CYBC1: variants seen among roughly 807,000 people sequenced by gnomAD.
The protein encoded by CYBC1 is cytochrome b-245 chaperone 1.
In CYBC1, 22 loss-of-function variants were observed where a neutral mutation model predicts 21.7. That is an observed-to-expected ratio of 1.02 (90% CI 0.73 to 1.45). The LOEUF (loss-of-function observed/expected upper bound fraction) is 1.45, where lower values mean the gene tolerates loss of function less well. CYBC1 is among the 40% of genes most tolerant of loss of function. The pLI, the probability that CYBC1 is intolerant of heterozygous loss-of-function variation, is 0.00. For missense variants in CYBC1, 237 were observed against 242.1 expected, an observed-to-expected ratio of 0.98 and a Z score of 0.14; for synonymous variants, 112 against 98.7, an observed-to-expected ratio of 1.13 and a Z score of -0.80.
intron 4 of CYBC1, among the ~76,000 whole-genome samples, chr17:82,446,192 C>T (rs917983225): frequency 6.6e-6 from 1 of 152,228 alleles, no homozygotes; most frequent in Non-Finnish European, 1.5e-5. Context: ...GCAGCAGGCG[C>T]TTGCTCCACC....
At position 82,443,347 on chromosome 17, in the gene CYBC1, G is replaced by C. The variant is rs182914984; in HGVS notation, c.*657C>G. 127 of 439,018 alleles carry C rather than the reference G, an allele frequency of 2.9e-4. 2 individuals carry two copies. The highest frequency in any genetic ancestry group is 2.3e-3 in the African/African-American group (116 of 50,048). 27.2% of individuals were successfully genotyped at this position (439,018 alleles called of 1,614,324 possible). ...ACCGCTGGGGCAGAGTGGTCTATGC[G>C]CCGAGATCCTGGCATCAGCAAGGGA... On this transcript the variant is annotated 3_prime_UTR_variant, in exon 7 of 7. Coordinates refer to ENST00000306645, the MANE Select transcript of CYBC1 (RefSeq NM_001033046.4). The surrounding 1 kb of genome is among the most constrained non-coding windows in gnomAD (Gnocchi z 6.7).
At position 82,443,488 on chromosome 17, in the gene CYBC1, T is replaced by C; in HGVS notation, c.*516A>G. On this transcript the variant is annotated 3_prime_UTR_variant, in exon 7 of 7. Transcript: ENST00000306645. The surrounding 1 kb of genome is among the most constrained non-coding windows in gnomAD (Gnocchi z 6.7). ...GGGAAGCACCTGACCGCTGGGGATG[T>C]CCACCAGGGAGAGGACGCTGTGTCG... The C allele has an allele frequency of 2.9e-6, 2 of 691,580 alleles. No homozygotes were observed. The highest frequency in any genetic ancestry group is 2.6e-6 in the Non-Finnish European group (1 of 378,112). 42.8% of individuals were successfully genotyped at this position (691,580 alleles called of 1,614,324 possible).
In CYBC1 at chr17:82,444,006, A is replaced by C. The variant is rs1253571139; in HGVS notation, c.562T>G (p.Ter188GlyextTer6). 6.2e-7 allele frequency: 1 copy of C among 1,612,302 alleles called. No homozygotes were observed. The highest frequency in any genetic ancestry group is 8.5e-7 in the Non-Finnish European group (1 of 1,179,910). Reference sequence around the variant, plus strand: ...CGGGCTCAGGCACAGTGGGGCTGTCAGCTCTGGCTTGCAGGGTCACCGGCC... The same window carrying C: ...CGGGCTCAGGCACAGTGGGGCTGTCCGCTCTGGCTTGCAGGGTCACCGGCC... ...SEAGDPASQS[*>G] is the part of the protein sequence containing the mutation. The change falls in exon 7 of 7, where the codon TGA becomes GGA. Residue 188 changes from the stop codon to glycine (G), a stop_lost. Transcript: ENST00000306645.
At chr17:82,444,808 C>T (rs1273998404) in intron 5 of CYBC1, 4 of 574,500 alleles carry the variant, frequency 7.0e-6, no homozygotes, top group Non-Finnish European at 9.1e-6. Context: ...GCGGTGCAGG[C>T]TGGCGGGTCA....
Position 82,447,638 on chromosome 17 carries a change from ACTGC to A in CYBC1, c.86-21_86-18del, listed in dbSNP as rs1452430894. 6 of 1,585,908 alleles carry A rather than the reference ACTGC, an allele frequency of 3.8e-6. No homozygotes were observed. Among genetic ancestry groups the A allele is most frequent in the Non-Finnish European group, 5.1e-6 (6 of 1,168,146 alleles). The stretch of plus-strand genomic sequence containing the variant: ...ACAAGATTCCTATGAAGAGAAAGTG[ACTGC>A]CTGCCTATTGATCCCGGTAAGACCC... On this transcript the variant is annotated intron_variant, in intron 2 of 6. Coordinates refer to ENST00000306645, the MANE Select transcript of CYBC1 (RefSeq NM_001033046.4).
intron 2 of CYBC1, 40 bp downstream of exon 2, chr17:82,449,129 TC>T: frequency 6.9e-7 from 1 of 1,440,428 alleles, no homozygotes; most frequent in Non-Finnish European, 9.3e-7. Flanking sequence ...AAGTCAGGCT[TC>T]CGGTTCTGGG....
Position 82,443,442 on chromosome 17 carries a change from G to A in CYBC1, c.*562C>T, listed in dbSNP as rs1254485493. 3.1e-6 allele frequency: 2 copies of A among 636,356 alleles called. No homozygotes were observed. Among genetic ancestry groups the A allele is most frequent in the Non-Finnish European group, 5.8e-6 (2 of 343,864 alleles). The allele number at this position is 636,356 out of a possible 1,614,324, so 39.4% of individuals were successfully genotyped here. On this transcript the variant is annotated 3_prime_UTR_variant, in exon 7 of 7. Transcript: ENST00000306645. This position sits in a 1 kb window ranked among gnomAD's most constrained non-coding sequence, Gnocchi z 6.7. Reference sequence around the variant, plus strand: ...GTGCACAGCCAGGTAGGCCCTGGATGTTCACCCCTCACTGCCCTTGGGGAA... The same window carrying A: ...GTGCACAGCCAGGTAGGCCCTGGATATTCACCCCTCACTGCCCTTGGGGAA...
Position 82,449,167 on chromosome 17 carries a change from T to C in CYBC1, c.85+3A>G. ...TTCTGGGGAGGGACGTGGAGAGCCT[T>C]ACCAACCAGCAGGGACCAGGACCGG... On this transcript the variant is annotated splice_donor_region_variant and intron_variant, in intron 2 of 6. Coordinates refer to ENST00000306645, the MANE Select transcript of CYBC1 (RefSeq NM_001033046.4). The C allele has an allele frequency of 6.4e-7, 1 of 1,566,350 alleles. No individual in the cohort carries two copies. The highest frequency in any genetic ancestry group is 1.2e-5 in the South Asian group (1 of 84,620).
chr17:82,444,209 A>G (rs898418560), intron 6 of CYBC1, 85 bp from the exon 7 acceptor site: 23 of 1,546,344 alleles, frequency 1.5e-5, no homozygotes, highest in Non-Finnish European at 2.0e-5. Flanking sequence ...CTCCTCGACC[A>G]CCTACCTCCC....
intron 3 of CYBC1, chr17:82,447,324 G>T (rs2054361169): frequency 7.5e-6 from 4 of 531,582 alleles, no homozygotes; most frequent in Non-Finnish European, 1.4e-5. Flanking sequence ...CTGCACTCCA[G>T]CCTGGGTGAC....
Position 82,445,870 on chromosome 17 carries a change from C to G in CYBC1, c.292G>C (p.Asp98His), listed in dbSNP as rs778192946. ...CACGCTCCCCACGACTCACCCTGGT[C>G]GTGGCCAGCTCTGAAAAGAGTCAGC... ...KLLTLFRAGH[D>H]QVVVLLHDVR... The change falls in exon 5 of 7, where the codon GAC (aspartate) becomes CAC (histidine). Residue 98 changes from aspartate (D) to histidine (H), a missense_variant. Physicochemically the swap from Asp to His is moderately conservative, Grantham distance 81 (BLOSUM62 -1). Transcript: ENST00000306645. 6.2e-7 allele frequency: 1 copy of G among 1,610,136 alleles called. No homozygotes were observed. The highest frequency in any genetic ancestry group is 1.1e-5 in the South Asian group (1 of 90,314).
intron 3 of CYBC1, 118 bp downstream of exon 3, chr17:82,447,462 G>A (rs1049706208): frequency 4.7e-6 from 4 of 844,702 alleles, no homozygotes; most frequent in Non-Finnish European, 7.8e-6. Context: ...TCAAGGGGCA[G>A]AGGTGCCGAT....
intron 5 of CYBC1, 86 bp downstream of exon 5, chr17:82,445,778 C>T: frequency 2.0e-6 from 2 of 988,614 alleles, no homozygotes; most frequent in South Asian, 3.2e-5. Context: ...TTCCAGGCCC[C>T]CCTCTAGGCC....
chr17:82,449,407 C>A (rs1218121080), intron 1 of CYBC1, 115 bp from the exon 2 acceptor site: 6 of 511,472 alleles, frequency 1.2e-5, no homozygotes, highest in Non-Finnish European at 2.0e-5. Flanking sequence ...ACCTGCAGCC[C>A]CAGACACCAT....
At position 82,443,900 on chromosome 17, in the gene CYBC1, C is replaced by G; in HGVS notation, c.*104G>C. On this transcript the variant is annotated 3_prime_UTR_variant, in exon 7 of 7. Coordinates refer to ENST00000306645, the MANE Select transcript of CYBC1 (RefSeq NM_001033046.4). This position sits in a 1 kb window ranked among gnomAD's most constrained non-coding sequence, Gnocchi z 6.7. Reference sequence around the variant, plus strand: ...GGGCGGTGCACGGGCTCAGGCACACCGGGAATGTGCCACGGGTCCTGTGGG... The same window carrying G: ...GGGCGGTGCACGGGCTCAGGCACACGGGGAATGTGCCACGGGTCCTGTGGG... 2 of 781,830 alleles carry G rather than the reference C, an allele frequency of 2.6e-6. No homozygotes were observed. Among genetic ancestry groups the G allele is most frequent in the East Asian group, 2.5e-5 (1 of 40,520 alleles). The allele number at this position is 781,830 out of a possible 1,614,324, so 48.4% of individuals were successfully genotyped here. A position where few individuals can be genotyped will look rare whatever the true frequency, so the allele number is the denominator to read the frequency against.
chr17:82,444,142 C>CG lies in CYBC1; in HGVS notation c.444-19dup. 1 of 1,605,104 alleles carries CG rather than the reference C, an allele frequency of 6.2e-7. No individual in the cohort carries two copies. The highest frequency in any genetic ancestry group is 8.5e-7 in the Non-Finnish European group (1 of 1,174,170). On this transcript the variant is annotated intron_variant, in intron 6 of 6. Coordinates refer to ENST00000306645, the MANE Select transcript of CYBC1 (RefSeq NM_001033046.4). ...CCACATCACTGGGCGAGGCCGGCAA[C>CG]GGGAGGAAGGTCAGGTCACCTCGGC...
Position 82,442,666 on chromosome 17 carries a change from GT to G in CYBC1, c.*1337del. 7.2e-7 allele frequency: 1 copy of G among 1,384,216 alleles called. No homozygotes were observed. The highest frequency in any genetic ancestry group is 9.9e-7 in the Non-Finnish European group (1 of 1,009,386). 85.7% of individuals were successfully genotyped at this position (1,384,216 alleles called of 1,614,324 possible). On this transcript the variant is annotated 3_prime_UTR_variant, in exon 7 of 7. Coordinates refer to ENST00000306645, the MANE Select transcript of CYBC1 (RefSeq NM_001033046.4). The surrounding 1 kb of genome is among the most constrained non-coding windows in gnomAD (Gnocchi z 6.8). The stretch of plus-strand genomic sequence containing the variant: ...GGTGACACGTGAAGGGTTATTTATG[GT>G]TATGATGACCCTGTCCTGCAACGAG...
chr17:82,447,418 A>G, intron 3 of CYBC1, 162 bp downstream of exon 3: 1 of 673,802 alleles, frequency 1.5e-6, no homozygotes, highest in South Asian at 1.6e-5. Context: ...GCGGAAGAAC[A>G]GCAGCGCATG....
intron 3 of CYBC1, 130 bp from the exon 4 acceptor site, chr17:82,446,826 T>A: frequency 3.4e-6 from 3 of 881,770 alleles, no homozygotes; most frequent in Non-Finnish European, 5.3e-6. Context: ...CAGCTTCCTG[T>A]GCTGCTGACC....
Sources: gnomAD v4.1 joint callset for allele counts (sites outside exome capture counted in the v4.1 genomes callset) on GRCh38, gnomAD v4.1.1 for gene constraint, Gnocchi (gnomAD v3.1) non-coding constraint, MANE v1.5 for transcripts, NCBI Gene and HGNC (gene_info 2026-07-23, HGNC 2026-07-21) for gene names.